The following COL16A1 variants were observed in gnomAD, a reference collection of about 807,000 sequenced individuals.
COL16A1 encodes the protein collagen alpha-1(XVI) chain.
COL16A1 carries 189 observed loss-of-function variants against 266.3 expected under a neutral mutation model. The ratio of observed to expected loss-of-function variants is 0.71; its 90% CI spans 0.63 to 0.80. The LOEUF is 0.80. Among genes scored for constraint, COL16A1 ranks in the 30% least tolerant of loss-of-function variants. The pLI is 0.00. For synonymous variants in COL16A1, 740 were observed against 782.3 expected (o/e 0.95, Z 0.90); for missense variants, 1,928 against 2,122.4 (o/e 0.91, Z 1.80).
chr1:31,702,712 A>T (rs1644764349), intron 1 of COL16A1, among the ~76,000 whole-genome samples: 1 of 152,174 alleles, frequency 6.6e-6, no homozygotes, highest in Non-Finnish European at 1.5e-5. Flanking sequence ...CAGCCCAGGA[A>T]GCCCTCCCAG....
Position 31,670,529 on chromosome 1 carries a change from A to G in COL16A1, c.3195+73T>C. 7.6e-7 allele frequency: 1 copy of G among 1,319,254 alleles called. No individual in the cohort carries two copies. Among genetic ancestry groups the G allele is most frequent in the African/African-American group, 1.5e-5 (1 of 64,924 alleles). The allele number at this position is 1,319,254 out of a possible 1,614,324, so 81.7% of individuals were successfully genotyped here. A position where few individuals can be genotyped will look rare whatever the true frequency, so the allele number is the denominator to read the frequency against. ...AGGACGGAGGTGAAGGCACGACAGG[A>G]GGGAGACAAGCAAAAGCCACAGAGA... is the stretch of plus-strand genomic sequence containing the variant. On this transcript the variant is annotated intron_variant, in intron 49 of 70. Coordinates refer to ENST00000373672, the MANE Select transcript of COL16A1 (RefSeq NM_001856.4). The surrounding 1 kb of genome is among the most constrained non-coding windows in gnomAD (Gnocchi z 4.5).
chr1:31,694,308 T>C, intron 11 of COL16A1, 138 bp from the exon 12 acceptor site: 1 of 608,950 alleles, frequency 1.6e-6, no homozygotes, highest in Non-Finnish European at 2.7e-6. Context: ...CTGCTCTGCT[T>C]CCCAGGCAAA....
Position 31,656,823 on chromosome 1 carries a change from TAA to T in COL16A1, c.4056+208_4056+209del, listed in dbSNP as rs58530152. 31,545 of 464,386 alleles carry T rather than the reference TAA, an allele frequency of 0.068. 2 individuals are homozygous for T. The highest frequency in any genetic ancestry group is 0.087 in the South Asian group (2,676 of 30,866). The allele number at this position is 464,386 out of a possible 1,614,324, so 28.8% of individuals were successfully genotyped here. A position where few individuals can be genotyped will look rare whatever the true frequency, so the allele number is the denominator to read the frequency against. On this transcript the variant is annotated intron_variant, in intron 65 of 70. Transcript: ENST00000373672. The surrounding 1 kb of genome is among the most constrained non-coding windows in gnomAD (Gnocchi z 4.2). ...TTTCTTTTTGACCAGGTACAGGGTT[TAA>T]AAAAAAAAAAAAAAAGGTAAAACAA...
chr1:31,675,132 C>T (rs2292993), intron 43 of COL16A1, 93 bp from the exon 44 acceptor site: 879,780 of 1,606,690 alleles, frequency 0.55, 247,842 homozygotes, highest in South Asian at 0.61. Flanking sequence ...CGTCATGCAC[C>T]TTCCAGCCTC....
chr1:31,662,556 C>T (rs371769784), intron 57 of COL16A1, 31 bp downstream of exon 57: 31 of 1,557,358 alleles, frequency 2.0e-5, no homozygotes, highest in Middle Eastern at 4.1e-4. Context: ...GCATCGCACA[C>T]GTCTGCCACG....
At chr1:31,660,810 C>A (rs549547692) in intron 61 of COL16A1, among the ~76,000 whole-genome samples, 172 bp from the exon 62 acceptor site, 1 of 152,224 alleles carries the variant, frequency 6.6e-6, no homozygotes, top group Non-Finnish European at 1.5e-5. Flanking sequence ...GTAGAGAAGG[C>A]GGATCCTCAG....
At chr1:31,687,414 GACACACACAC>G (rs143135979) in intron 26 of COL16A1, among the ~76,000 whole-genome samples, 1 of 140,570 alleles carries the variant, frequency 7.1e-6, no homozygotes, top group African/African-American at 2.7e-5. Context: ...ACAACGCACA[GACACACACAC>G]ACACACACAC....
At chr1:31,658,712 C>T in intron 63 of COL16A1, 135 bp from the exon 64 acceptor site, 1 of 1,040,948 alleles carries the variant, frequency 9.6e-7, no homozygotes. Flanking sequence ...TGCAGCAGGA[C>T]TCTGAGATGA....
rs140138691 is a variant in COL16A1 at position 31,692,855 on chromosome 1, T to C, written c.1072-47A>G. 20 of 1,565,408 alleles carry C rather than the reference T, an allele frequency of 1.3e-5. No individual in the cohort carries two copies. In the East Asian group the frequency reaches 4.5e-4, roughly 35 times the overall value. ...TCAGGGGTGGGAACTCCTGGGGAAG[T>C]CCCCTAGATGTGTTGTGAGGAGGAT... On this transcript the variant is annotated intron_variant, in intron 13 of 70. Transcript: ENST00000373672.
intron 37 of COL16A1, among the ~76,000 whole-genome samples, chr1:31,682,175 C>T (rs113278653): frequency 0.014 from 2,201 of 152,244 alleles, 59 homozygotes; most frequent in African/African-American, 0.051. Context: ...TAGAAGCTGA[C>T]GACTATACAG....
At chr1:31,695,988 G>A (rs562035740) in intron 9 of COL16A1, 100 bp downstream of exon 9, 59 of 1,149,994 alleles carry the variant, frequency 5.1e-5, no homozygotes, top group Admixed American at 2.5e-4. Flanking sequence ...TGGGAAAGGC[G>A]GGAGGAGAGT....
Position 31,697,801 on chromosome 1 carries a change from G to A in COL16A1, c.657+105C>T, listed in dbSNP as rs989675884. ...TTTGGAGGGCAACAGGAAAGCAGGG[G>A]AAGATTCTAAGCAGGAGAAGGACTT... On this transcript the variant is annotated intron_variant, in intron 6 of 70. Transcript: ENST00000373672. The surrounding 1 kb of genome is among the most constrained non-coding windows in gnomAD (Gnocchi z 4.2). 1.2e-5 allele frequency: 16 copies of A among 1,350,836 alleles called. No homozygotes were observed. Among genetic ancestry groups the A allele is most frequent in the Middle Eastern group, 5.4e-4 (2 of 3,672 alleles). 83.7% of individuals were successfully genotyped at this position (1,350,836 alleles called of 1,614,324 possible). A position where few individuals can be genotyped will look rare whatever the true frequency, so the allele number is the denominator to read the frequency against.
Position 31,698,562 on chromosome 1 carries a change from A to G in COL16A1, c.311T>C (p.Leu104Pro), listed in dbSNP as rs1315704983. Reference protein sequence around the residue: ...RGLPEEFALVLTLLLKKHTHQ... With the variant: ...RGLPEEFALVPTLLLKKHTHQ... ...GGTGTGTTTCTTCAGCAGTAGTGTC[A>G]GCACCAGGGCAAACTCCTCCGGGAG... The change falls in exon 5 of 71, where the codon CTG (leucine) becomes CCG (proline). Residue 104 changes from leucine (L) to proline (P), a missense_variant. Around this residue, in one of 2 missense-constraint regions of COL16A1, gnomAD observed 1,552 missense variants for 1,637.2 expected, o/e 0.95. Coordinates refer to ENST00000373672, the MANE Select transcript of COL16A1 (RefSeq NM_001856.4). The surrounding 1 kb of genome is among the most constrained non-coding windows in gnomAD (Gnocchi z 4.1). 4 of 1,614,090 alleles carry G rather than the reference A, an allele frequency of 2.5e-6. No individual in the cohort carries two copies. Among genetic ancestry groups the G allele is most frequent in the Admixed American group, 3.3e-5 (2 of 60,012 alleles).
chr1:31,702,715 C>T (rs1168317256), intron 1 of COL16A1, among the ~76,000 whole-genome samples: 2 of 152,158 alleles, frequency 1.3e-5, no homozygotes, highest in African/African-American at 4.8e-5. Context: ...CCCAGGAAGC[C>T]CTCCCAGGCA....
chr1:31,685,289 A>C lies in COL16A1; in HGVS notation c.2016+350T>G, dbSNP rs1446297908. Among the ~76,000 whole-genome samples the C allele has an allele frequency of 6.6e-6, 1 of 152,198 alleles. No homozygotes were observed. Among genetic ancestry groups the C allele is most frequent in the East Asian group, 1.9e-4 (1 of 5,196 alleles). ...CAGTGCCCATGGTGTACCACTAAGC[A>C]CTTCACACACGCCATTACTAGGCTT... On this transcript the variant is annotated intron_variant, in intron 29 of 70. Coordinates refer to ENST00000373672, the MANE Select transcript of COL16A1 (RefSeq NM_001856.4). This position sits in a 1 kb window ranked among gnomAD's most constrained non-coding sequence, Gnocchi z 4.0.
Position 31,697,360 on chromosome 1 carries a change from C to A in COL16A1, c.658-60G>T. Reference sequence around the variant, plus strand: ...TTATCAAATAGCTCTGTGTCCTGGCCCCCCAGGAGGCACAGAGATGTCTCT... The same window carrying A: ...TTATCAAATAGCTCTGTGTCCTGGCACCCCAGGAGGCACAGAGATGTCTCT... On this transcript the variant is annotated intron_variant, in intron 6 of 70. Coordinates refer to ENST00000373672, the MANE Select transcript of COL16A1 (RefSeq NM_001856.4). The surrounding 1 kb of genome is among the most constrained non-coding windows in gnomAD (Gnocchi z 4.2). 1 of 1,475,140 alleles carries A rather than the reference C, an allele frequency of 6.8e-7. No homozygotes were observed. Among genetic ancestry groups the A allele is most frequent in the Non-Finnish European group, 9.2e-7 (1 of 1,083,278 alleles). The allele number at this position is 1,475,140 out of a possible 1,614,324, so 91.4% of individuals were successfully genotyped here. A position where few individuals can be genotyped will look rare whatever the true frequency, so the allele number is the denominator to read the frequency against.
At position 31,662,643 on chromosome 1, in the gene COL16A1, G is replaced by A. The variant is rs755129164; in HGVS notation, c.3571C>T (p.Arg1191Ter). The A allele has an allele frequency of 1.6e-5, 24 of 1,545,244 alleles. No homozygotes were observed. Among genetic ancestry groups the A allele is most frequent in the East Asian group, 4.9e-5 (2 of 41,218 alleles). The change falls in exon 57 of 71, where the codon CGA (arginine) becomes TGA (stop). Residue 1191 changes from arginine (R) to a stop codon, truncating the protein, a stop_gained. Coordinates refer to ENST00000373672, the MANE Select transcript of COL16A1 (RefSeq NM_001856.4). LOFTEE classifies it high-confidence loss of function. ...GAGCCAGGCAGGCCTGATGGGCCTC[G>A]AATCCCTTCGCTGCCCTGGAAACCA... ...PQAEKGSEGI[R>*]GPSGLPGSPG...
chr1:31,691,160 A>G (rs1264579677), intron 20 of COL16A1, 28 bp downstream of exon 20: 1 of 1,610,808 alleles, frequency 6.2e-7, no homozygotes, highest in Admixed American at 1.7e-5. Flanking sequence ...GGAGCTCCCC[A>G]CGTGACCACA....
At position 31,668,325 on chromosome 1, in the gene COL16A1, G is replaced by T; in HGVS notation, c.3250-107C>A. 1 of 1,205,114 alleles carries T rather than the reference G, an allele frequency of 8.3e-7. No individual in the cohort carries two copies. Among genetic ancestry groups the T allele is most frequent in the Non-Finnish European group, 1.2e-6 (1 of 826,012 alleles). The allele number at this position is 1,205,114 out of a possible 1,614,324, so 74.7% of individuals were successfully genotyped here. A position where few individuals can be genotyped will look rare whatever the true frequency, so the allele number is the denominator to read the frequency against. On this transcript the variant is annotated intron_variant, in intron 50 of 70. Transcript: ENST00000373672. The surrounding 1 kb of genome is among the most constrained non-coding windows in gnomAD (Gnocchi z 5.8). Reference sequence around the variant, plus strand: ...AAACCTCTGGGGCTGCCATCTAGCAGGTGCCAGCCTGCCCCAGCATTGCAC... The same window carrying T: ...AAACCTCTGGGGCTGCCATCTAGCATGTGCCAGCCTGCCCCAGCATTGCAC...
Sources: gnomAD v4.1 joint callset for allele counts (sites outside exome capture counted in the v4.1 genomes callset) on GRCh38, gnomAD v4.1.1 for gene constraint, gnomAD v4.1.1 regional missense constraint, Gnocchi (gnomAD v3.1) non-coding constraint, MANE v1.5 for transcripts, NCBI Gene and HGNC (gene_info 2026-07-23, HGNC 2026-07-21) for gene names.